The following DUXA variants were observed in gnomAD, a reference collection of about 807,000 sequenced individuals.
The protein encoded by DUXA is double homeobox protein A.
A neutral mutation model predicts 27.5 loss-of-function variants in DUXA; 25 were observed. The ratio of observed to expected loss-of-function variants is 0.91; its 90% CI spans 0.66 to 1.27. The LOEUF (loss-of-function observed/expected upper bound fraction) is 1.27. DUXA is among the 50% of genes most tolerant of loss of function. The probability of loss-of-function intolerance (pLI) is 0.00; values close to 1 mark genes in which losing one functional copy is unlikely to be tolerated. For missense variants in DUXA, 247 were observed against 242.9 expected (o/e 1.02, Z -0.11); for synonymous variants, 90 against 80.5 (o/e 1.12, Z -0.63).
At chr19:57,157,032 A>G (rs2086996156) in intron 4 of DUXA, among the ~76,000 whole-genome samples, 1 of 152,174 alleles carries the variant, frequency 6.6e-6, no homozygotes. Flanking sequence ...ACAAACATTC[A>G]AACCATAGCA....
At chr19:57,156,783 G>A (rs535409003) in intron 4 of DUXA, among the ~76,000 whole-genome samples, 95 of 152,294 alleles carry the variant, frequency 6.2e-4, no homozygotes, top group African/African-American at 2.3e-3. Flanking sequence ...TCCTGCCTCA[G>A]CCTCCGGAGT....
chr19:57,155,452 T>C, intron 4 of DUXA, 80 bp from the exon 5 acceptor site: 2 of 1,180,180 alleles, frequency 1.7e-6, no homozygotes, highest in East Asian at 2.5e-5. Context: ...TCTTTTTTCT[T>C]TTCTGTTTTT....
At position 57,160,690 on chromosome 19, in the gene DUXA, T is replaced by C. The variant is rs761235509; in HGVS notation, c.133A>G (p.Lys45Glu). The stretch of plus-strand genomic sequence containing the variant: ...TTGATTTCTAAAGCAAGTTTTTGTT[T>C]GGTAGCATAACCTGGGTAAGGCTTT... Reference protein sequence around the residue: ...NQKPYPGYATKQKLALEINTE... With the variant: ...NQKPYPGYATEQKLALEINTE... The change falls in exon 2 of 6, where the codon AAA becomes GAA. Residue 45 changes from lysine (K) to glutamate (E), a missense_variant. By Grantham distance (56) the Lys-to-Glu change is moderately conservative. Transcript: ENST00000554048. The C allele has an allele frequency of 2.8e-5, 45 of 1,613,776 alleles. No homozygotes were observed. Among genetic ancestry groups the C allele is most frequent in the Admixed American group, 6.7e-5 (4 of 60,010 alleles).
chr19:57,159,770 C>T (rs1307506670), intron 2 of DUXA, among the ~76,000 whole-genome samples: 1 of 150,628 alleles, frequency 6.6e-6, no homozygotes, highest in Admixed American at 6.7e-5. Flanking sequence ...CATTGTGTGA[C>T]ACCATAATCT....
chr19:57,158,406 A>G lies in DUXA; in HGVS notation c.360T>C (p.Phe120=). 2 of 1,613,830 alleles carry G rather than the reference A, an allele frequency of 1.2e-6. No individual in the cohort carries two copies. Among genetic ancestry groups the G allele is most frequent in the South Asian group, 1.1e-5 (1 of 91,066 alleles). Residue 120 remains phenylalanine, a synonymous_variant, in exon 4 of 6, where the codon TTT becomes TTC. Transcript: ENST00000554048. ...CAATCCCAGGATATGGGTTTTTCAT[A>G]AATGCCTTGATGAGAGTGTGTAACT... ...ASQLHTLIKA[F]MKNPYPGIDS...
chr19:57,159,053 C>T, intron 3 of DUXA, 114 bp downstream of exon 3: 1 of 824,500 alleles, frequency 1.2e-6, no homozygotes, highest in East Asian at 2.6e-5. Flanking sequence ...CCCTTTGCCA[C>T]CATAAGACCC....
chr19:57,160,733 G>C lies in DUXA; in HGVS notation c.90C>G (p.Leu30=). The change falls in exon 2 of 6, where the codon CTC becomes CTG. Residue 30 remains leucine, a synonymous_variant. Transcript: ENST00000554048. ...AAGGCTTTTGATTGAAGGTATTGATGAGGATTTTCAACTGTTCTTCTGTGA... is the reference window on the plus strand; with the variant it reads ...AAGGCTTTTGATTGAAGGTATTGATCAGGATTTTCAACTGTTCTTCTGTGA... ...TKFTEEQLKI[L]INTFNQKPYP... 6.2e-7 allele frequency: 1 copy of C among 1,614,170 alleles called. No individual in the cohort carries two copies. The highest frequency in any genetic ancestry group is 8.5e-7 in the Non-Finnish European group (1 of 1,180,022).
rs1190859913 is a variant in DUXA at position 57,165,414 on chromosome 19, C to A, written c.25+2005G>T. On this transcript the variant is annotated intron_variant, in intron 1 of 5. Transcript: ENST00000554048. ...CACTTTACCTTCTCCACACAACAAACATTCACTTCCAGAAATGGCTAGGTA... is the reference window on the plus strand; with the variant it reads ...CACTTTACCTTCTCCACACAACAAAAATTCACTTCCAGAAATGGCTAGGTA... 2.0e-5 allele frequency among the ~76,000 whole-genome samples: 3 copies of A among 149,870 alleles called. 1 individual carries two copies. The Admixed American group carries it at 2.0e-4, about 10-fold the overall frequency.
rs117319770 is a variant in DUXA at position 57,154,223 on chromosome 19, A to T, written c.*189T>A. The T allele has an allele frequency of 2.5e-3, 1,316 of 534,676 alleles. 6 individuals are homozygous for T. Among genetic ancestry groups the T allele is most frequent in the East Asian group, 9.1e-3 (273 of 30,118 alleles). 33.1% of individuals were successfully genotyped at this position (534,676 alleles called of 1,614,324 possible). ...GGCTGGTTTCAAACTCCTGAGCTCA[A>T]GCAATCTTCCTGCCTTGGCCTCCCA... On this transcript the variant is annotated 3_prime_UTR_variant, in exon 6 of 6. Transcript: ENST00000554048.
intron 1 of DUXA, among the ~76,000 whole-genome samples, chr19:57,162,959 A>G (rs2087032050): frequency 6.6e-6 from 1 of 151,822 alleles, no homozygotes; most frequent in South Asian, 2.1e-4. Flanking sequence ...CTTTGACATT[A>G]CCCATCATTC....
At chr19:57,164,349 G>A (rs562402020) in intron 1 of DUXA, among the ~76,000 whole-genome samples, 6 of 152,178 alleles carry the variant, frequency 3.9e-5, no homozygotes, top group Non-Finnish European at 7.3e-5. Flanking sequence ...GCCGAAGCAG[G>A]CAGATCACCT....
rs570076658 is a variant in DUXA, at chr19:57,161,480, G to A, written c.26-683C>T. Among the ~76,000 whole-genome samples, 159 of 149,460 alleles carry A rather than the reference G, an allele frequency of 1.1e-3. 4 individuals are homozygous for A. The highest frequency in any genetic ancestry group is 3.0e-3 in the African/African-American group (119 of 39,758). ...CTACTAAAAATACAAAAAATTAGCCGGGCGCAGTGGCGGGCACCTGTAGTC... is the reference window on the plus strand; with the variant it reads ...CTACTAAAAATACAAAAAATTAGCCAGGCGCAGTGGCGGGCACCTGTAGTC... On this transcript the variant is annotated intron_variant, in intron 1 of 5. Coordinates refer to ENST00000554048, the MANE Select transcript of DUXA (RefSeq NM_001012729.2).
Position 57,158,387 on chromosome 19 carries a change from C to G in DUXA, c.379G>C (p.Gly127Arg), listed in dbSNP as rs1475476454. 1.2e-6 allele frequency: 2 copies of G among 1,613,176 alleles called. No homozygotes were observed. The highest frequency in any genetic ancestry group is 2.2e-5 in the South Asian group (2 of 91,020). Residue 127 changes from glycine to arginine, a missense_variant, in exon 4 of 6, where the codon GGG becomes CGG. Transcript: ENST00000554048. ...IKAFMKNPYP[G>R]IDSREELAKE... ...GCAAGTTCTTCTCTGGAATCAATCC[C>G]AGGATATGGGTTTTTCATAAATGCC...
intron 1 of DUXA, 35 bp from the exon 2 acceptor site, chr19:57,160,832 A>G (rs2087017267): frequency 6.2e-7 from 1 of 1,608,126 alleles, no homozygotes; most frequent in Non-Finnish European, 8.5e-7. Flanking sequence ...AGCATGTAAT[A>G]GGTTAATTTA....
chr19:57,162,711 G>A (rs1361493797), intron 1 of DUXA, among the ~76,000 whole-genome samples: 1 of 151,972 alleles, frequency 6.6e-6, no homozygotes, highest in East Asian at 1.9e-4. Flanking sequence ...AGTAGCTGGG[G>A]TTACAGGCAC....
At chr19:57,158,602 A>T in intron 3 of DUXA, 129 bp from the exon 4 acceptor site, 1 of 1,155,438 alleles carries the variant, frequency 8.7e-7, no homozygotes, top group East Asian at 2.6e-5. Context: ...TCCTCCTGAG[A>T]GGATCTTGTC....
intron 5 of DUXA, 121 bp from the exon 6 acceptor site, chr19:57,154,603 G>A (rs947172599): frequency 3.5e-5 from 26 of 750,884 alleles, no homozygotes; most frequent in African/African-American, 1.7e-4. Flanking sequence ...TCACTTTGTC[G>A]CCCAGGCTGG....
chr19:57,165,466 T>A (rs1436668674), intron 1 of DUXA, among the ~76,000 whole-genome samples: 1 of 151,422 alleles, frequency 6.6e-6, no homozygotes, highest in East Asian at 1.9e-4. Flanking sequence ...ACCAGAATAT[T>A]TTCATCTAAT....
intron 4 of DUXA, among the ~76,000 whole-genome samples, chr19:57,156,001 A>T (rs1442167857): frequency 2.0e-5 from 3 of 152,098 alleles, no homozygotes; most frequent in African/African-American, 7.2e-5. Flanking sequence ...CATTTGTGAG[A>T]GTCTATAAGG....
Sources: allele counts gnomAD v4.1 joint callset (sites outside exome capture counted in the v4.1 genomes callset), GRCh38; gene constraint gnomAD v4.1.1; transcripts MANE v1.5; gene names NCBI Gene and HGNC (gene_info 2026-07-23, HGNC 2026-07-21).